HAP1: variants seen among roughly 807,000 people sequenced by gnomAD.
The protein encoded by HAP1 is huntingtin-associated protein 1.
A neutral mutation model predicts 60.3 loss-of-function variants in HAP1; 59 were observed. The observed-to-expected ratio is 0.98, with a 90% CI of 0.79 to 1.22. The LOEUF is 1.22. Among genes scored for constraint, HAP1 ranks in the 50% most tolerant of loss-of-function variants. HAP1 has a pLI of 0.00. For missense variants in HAP1, 825 were observed against 785.3 expected (o/e 1.05, Z -0.60); for synonymous variants, 346 against 330.6 (o/e 1.05, Z -0.50).
chr17:41,721,645 GC>G, downstream of HAP1: 1 of 154,294 alleles, frequency 6.5e-6, no homozygotes. Context: ...TCAGCTCACT[GC>G]AACCTCAACC....
At chr17:41,727,713 G>A in intron 8 of HAP1, 49 bp downstream of exon 8, 2 of 1,296,180 alleles carry the variant, frequency 1.5e-6, no homozygotes, top group Non-Finnish European at 1.1e-6. Flanking sequence ...TCCCCACTCT[G>A]GGCCAGCGGC....
rs8075017 is a variant in HAP1 at position 41,725,037 on chromosome 17, G to C, written c.1524C>G (p.Phe508Leu). Reference protein sequence around the residue: ...RGEDFTPAEEFVPQEELGAAK... With the variant: ...RGEDFTPAEELVPQEELGAAK... ...CAGCCCCCAGCTCCTCCTGGGGCACGAACTCCTCCGCAGGCGTGAAATCTT... is the reference window on the plus strand; with the variant it reads ...CAGCCCCCAGCTCCTCCTGGGGCACCAACTCCTCCGCAGGCGTGAAATCTT... The change falls in exon 11 of 11, where the codon TTC becomes TTG. Residue 508 changes from phenylalanine to leucine, a missense_variant. Phe to Leu is a conservative substitution (Grantham distance 22). Transcript: ENST00000347901. 1,411,679 of 1,613,258 alleles carry C rather than the reference G, an allele frequency of 0.88. 618,479 individuals carry two copies. Among genetic ancestry groups the C allele is most frequent in the Middle Eastern group, 0.93 (5,664 of 6,060 alleles).
Position 41,722,830 on chromosome 17 carries a change from G to C in HAP1, c.*1871C>G, listed in dbSNP as rs1163241567. 2 of 149,852 alleles carry C rather than the reference G, an allele frequency of 1.3e-5. No homozygotes were observed. Among genetic ancestry groups the C allele is most frequent in the African/African-American group, 2.5e-5 (1 of 40,698 alleles). 9.3% of individuals were successfully genotyped at this position (149,852 alleles called of 1,614,324 possible). On this transcript the variant is annotated 3_prime_UTR_variant, in exon 11 of 11. Coordinates refer to ENST00000347901, the MANE Select transcript of HAP1 (RefSeq NM_177977.3). Reference sequence around the variant, plus strand: ...GAGGAAGCCAGGGGCAGGGAGGGGGGGATCAAGACAGAGGGGAGAGGGGCT... The same window carrying C: ...GAGGAAGCCAGGGGCAGGGAGGGGGCGATCAAGACAGAGGGGAGAGGGGCT...
At position 41,732,396 on chromosome 17, in the gene HAP1, T is replaced by TG. The variant is rs781903588; in HGVS notation, c.550-3dup. 1.9e-4 allele frequency: 313 copies of TG among 1,613,610 alleles called. 1 individual carries two copies. Among genetic ancestry groups the TG allele is most frequent in the Middle Eastern group, 4.9e-4 (3 of 6,062 alleles). ...GCTCTCCCAGACAGGTGGGAGAAGCTGGGGGGGACACAGGGGTCAGAGAGA... is the reference window on the plus strand; with the variant it reads ...GCTCTCCCAGACAGGTGGGAGAAGCTGGGGGGGGACACAGGGGTCAGAGAGA... On this transcript the variant is annotated splice_region_variant and splice_polypyrimidine_tract_variant and intron_variant, in intron 2 of 10. Coordinates refer to ENST00000347901, the MANE Select transcript of HAP1 (RefSeq NM_177977.3).
intron 1 of HAP1, among the ~76,000 whole-genome samples, chr17:41,733,653 A>G (rs1014359514): frequency 9.2e-5 from 14 of 152,050 alleles, no homozygotes; most frequent in Non-Finnish European, 1.8e-4. Context: ...CCCAATCCAG[A>G]GATCTCCCCC....
chr17:41,720,855 A>G (rs1262540011), downstream of HAP1: 6 of 150,818 alleles, frequency 4.0e-5, no homozygotes, highest in African/African-American at 1.5e-4. Context: ...GCTGGGGTGT[A>G]ATGGTGCAAT....
downstream of HAP1, chr17:41,721,715 T>C (rs1351191395): frequency 6.7e-6 from 1 of 150,284 alleles, no homozygotes; most frequent in Non-Finnish European, 1.5e-5. Flanking sequence ...TTACAGGGGC[T>C]GCCACCATGC....
rs1555591218 is a variant in HAP1, at chr17:41,732,057, G to T, written c.776C>A (p.Ser259Tyr). The part of the protein sequence containing the change: ...RDELLQLYSD[S>Y]DEEDEDEEEE... ...TTCTTCATCCTCATCCTCCTCATCAGAATCTGAGTAGAGCTGGAGGAGCTC... is the reference window on the plus strand; with the variant it reads ...TTCTTCATCCTCATCCTCCTCATCATAATCTGAGTAGAGCTGGAGGAGCTC... Residue 259 changes from serine to tyrosine, a missense_variant, in exon 4 of 11, where the codon TCT (serine) becomes TAT (tyrosine). By Grantham distance (144) the Ser-to-Tyr change is moderately radical. Transcript: ENST00000347901. 5 of 1,607,448 alleles carry T rather than the reference G, an allele frequency of 3.1e-6. No individual in the cohort carries two copies. Among genetic ancestry groups the T allele is most frequent in the African/African-American group, 2.7e-5 (2 of 74,738 alleles).
rs370087856 is a variant in HAP1, at chr17:41,728,249, G to A, written c.1152C>T (p.Val384=). 5.9e-5 allele frequency: 95 copies of A among 1,613,268 alleles called. No homozygotes were observed. The highest frequency in any genetic ancestry group is 1.6e-4 in the Middle Eastern group (1 of 6,082). Residue 384 remains valine (V), a synonymous_variant, in exon 7 of 11, where the codon GTC becomes GTT. Coordinates refer to ENST00000347901, the MANE Select transcript of HAP1 (RefSeq NM_177977.3). ...TCAGCACCTGGGCCTGCAGCCGAGC[G>A]ACCTCCTGCTGCTGCCGTTCATAGT... ...LENYERQQQE[V]ARLQAQVLKL...
At position 41,724,808 on chromosome 17, in the gene HAP1, C is replaced by T. The variant is rs2143189509; in HGVS notation, c.1753G>A (p.Ala585Thr). The T allele has an allele frequency of 6.2e-7, 1 of 1,612,996 alleles. No individual in the cohort carries two copies. The highest frequency in any genetic ancestry group is 8.5e-7 in the Non-Finnish European group (1 of 1,179,798). Residue 585 changes from alanine to threonine, a missense_variant, in exon 11 of 11, where the codon GCC becomes ACC. Coordinates refer to ENST00000347901, the MANE Select transcript of HAP1 (RefSeq NM_177977.3). The part of the protein sequence containing the change: ...VLQQLANWQD[A>T]HYRRQLRWKM... ...CACCTCAGCTGCCGCCTGTAATGGG[C>T]ATCTTGCCAGTTGGCCAGCTGCTGG...
intron 6 of HAP1, among the ~76,000 whole-genome samples, chr17:41,729,851 C>G (rs28829121): frequency 3.4e-5 from 4 of 118,640 alleles, no homozygotes; most frequent in African/African-American, 1.3e-4. Context: ...TCTAGCTGGG[C>G]GACAGTGAGA....
chr17:41,726,908 A>C lies in HAP1; in HGVS notation c.1367+145T>G, dbSNP rs151163448. On this transcript the variant is annotated intron_variant, in intron 9 of 10. Coordinates refer to ENST00000347901, the MANE Select transcript of HAP1 (RefSeq NM_177977.3). ...AGGGGGAAGTGATGGGTCCATATTC[A>C]TAGAGAAGCAATGAGTGGAGGGGCT... is the stretch of plus-strand genomic sequence containing the variant. 24 of 600,226 alleles carry C rather than the reference A, an allele frequency of 4.0e-5. No individual in the cohort carries two copies. The East Asian group carries it at 6.3e-4, about 16-fold the overall frequency. 37.2% of individuals were successfully genotyped at this position (600,226 alleles called of 1,614,324 possible). A position where few individuals can be genotyped will look rare whatever the true frequency, so the allele number is the denominator to read the frequency against.
Position 41,725,111 on chromosome 17 carries a change from A to T in HAP1, c.1450T>A (p.Phe484Ile), listed in dbSNP as rs782236472. Residue 484 changes from phenylalanine (F) to isoleucine (I), a missense_variant, in exon 11 of 11, where the codon TTT becomes ATT. Coordinates refer to ENST00000347901, the MANE Select transcript of HAP1 (RefSeq NM_177977.3). The stretch of plus-strand genomic sequence containing the variant: ...AGCATCAACCCTTCCTCAGCCTCAA[A>T]CCCCCGCACCTGCTCTCGATCCTCA... ...YSEDREQVRG[F>I]EAEEGLMLAA... 3 of 1,606,610 alleles carry T rather than the reference A, an allele frequency of 1.9e-6. No individual in the cohort carries two copies. The highest frequency in any genetic ancestry group is 4.5e-5 in the East Asian group (2 of 44,740).
In HAP1 at chr17:41,734,336, G is replaced by GA; in HGVS notation, c.298dup (p.Ser100PhefsTer47). 1.9e-6 allele frequency: 3 copies of GA among 1,609,068 alleles called. No individual in the cohort carries two copies. The highest frequency in any genetic ancestry group is 2.5e-6 in the Non-Finnish European group (3 of 1,177,224). On this transcript the variant is annotated frameshift_variant, in exon 1 of 11. Transcript: ENST00000347901. LOFTEE classifies it high-confidence loss of function. ...TACGAAGCGGGTCCACGGCGCGTCC[G>GA]AATTGTCGGGCATAGACCGGACATC...
Position 41,724,274 on chromosome 17 carries a change from G to C in HAP1, c.*427C>G. The stretch of plus-strand genomic sequence containing the variant: ...CCCAGAAGGCCTCTCTTCCTCCCAG[G>C]CCGTGGGAGGGTGGCTGGCCCTGTC... On this transcript the variant is annotated 3_prime_UTR_variant, in exon 11 of 11. Transcript: ENST00000347901. 1 of 168,718 alleles carries C rather than the reference G, an allele frequency of 5.9e-6. No individual in the cohort carries two copies. The highest frequency in any genetic ancestry group is 1.3e-5 in the Non-Finnish European group (1 of 77,352). The allele number at this position is 168,718 out of a possible 1,614,324, so 10.5% of individuals were successfully genotyped here.
At chr17:41,718,213 G>A (rs544148647), downstream of HAP1, 85 of 275,484 alleles carry the variant, frequency 3.1e-4, no homozygotes, top group African/African-American at 1.5e-3. Flanking sequence ...AACTAAGCAC[G>A]GTGGGGCCTG....
chr17:41,732,199 G>C (rs1555591270), intron 3 of HAP1, 31 bp downstream of exon 3: 1 of 1,610,022 alleles, frequency 6.2e-7, no homozygotes, highest in East Asian at 2.2e-5. Context: ...GTGTAGATTG[G>C]CCCGCTATCC....
chr17:41,720,203 A>ATTTC (rs1303067109), downstream of HAP1, among the ~76,000 whole-genome samples: 2 of 123,926 alleles, frequency 1.6e-5, no homozygotes, highest in Non-Finnish European at 3.4e-5. Context: ...TTATTTATTT[A>ATTTC]TTTATTTTTG....
intron 7 of HAP1, 134 bp downstream of exon 7, chr17:41,728,067 A>G: frequency 9.3e-7 from 1 of 1,069,634 alleles, no homozygotes; most frequent in Non-Finnish European, 1.4e-6. Context: ...GGGTCAAGAT[A>G]AGGGGCTCTC....
Sources: gnomAD v4.1 joint callset for allele counts (sites outside exome capture counted in the v4.1 genomes callset) on GRCh38, gnomAD v4.1.1 for gene constraint, MANE v1.5 for transcripts, NCBI Gene and HGNC (gene_info 2026-07-23, HGNC 2026-07-21) for gene names.